Variants in PRR33 observed in about 807,000 individuals in gnomAD.
PRR33 encodes proline-rich protein 33.
PRR33 carries 1 observed loss-of-function variant against 0.5 expected under a neutral mutation model. That is an observed-to-expected ratio of 2.18 (90% confidence interval 0.77 to 10.34). The LOEUF is 10.34. PRR33 is among the 30% of genes most tolerant of loss of function. PRR33 has a pLI of 0.13. For synonymous variants in PRR33, 226 were observed against 110.0 expected (o/e 2.06, Z -6.60); for missense variants, 552 against 251.8 (o/e 2.19, Z -8.07).
the PRR33 span, among the ~76,000 whole-genome samples, chr11:1,899,691 T>G: frequency 6.6e-6 from 1 of 152,320 alleles, no homozygotes; most frequent in South Asian, 2.1e-4. Flanking sequence ...ATTGTATCTG[T>G]AACAAGTTAT....
chr11:1,900,305 G>A, the PRR33 span, among the ~76,000 whole-genome samples: 3 of 152,114 alleles, frequency 2.0e-5, no homozygotes, highest in Non-Finnish European at 4.4e-5. Context: ...TTCAAATTGG[G>A]TATCTAAACA....
At chr11:1,903,154 TC>T in the PRR33 span, 1 of 152,182 alleles carries the variant, frequency 6.6e-6, no homozygotes, top group Admixed American at 6.5e-5. Flanking sequence ...GGACTCAGTC[TC>T]ATTTTACCCA....
At chr11:1,908,178 G>A in the PRR33 span, among the ~76,000 whole-genome samples, 8 of 152,318 alleles carry the variant, frequency 5.3e-5, no homozygotes, top group Admixed American at 2.6e-4. Flanking sequence ...GCTGGTCTGC[G>A]GGGAGCTCTA....
At chr11:1,914,882 G>GTGTGTTC in the PRR33 span, among the ~76,000 whole-genome samples, 1 of 96,266 alleles carries the variant, frequency 1.0e-5, no homozygotes, top group East Asian at 4.0e-4. Flanking sequence ...TGTGTGTGTT[G>GTGTGTTC]TGAGGTCACA....
upstream of PRR33, among the ~76,000 whole-genome samples, chr11:1,894,304 G>A (rs903607556): frequency 6.6e-6 from 1 of 151,944 alleles, no homozygotes; most frequent in Non-Finnish European, 1.5e-5. Flanking sequence ...CACAATGAGA[G>A]CTCCTTGCAG....
At chr11:1,894,147 G>A (rs192020774), upstream of PRR33, among the ~76,000 whole-genome samples, 3 of 107,614 alleles carry the variant, frequency 2.8e-5, no homozygotes. Context: ...TGTGTGACAA[G>A]TTCTCTGTTT....
At chr11:1,915,790 A>G in the PRR33 span, among the ~76,000 whole-genome samples, 1 of 88,728 alleles carries the variant, frequency 1.1e-5, no homozygotes, top group Non-Finnish European at 2.2e-5. Flanking sequence ...GGGTGGATGA[A>G]GGGAGGGAGG....
the PRR33 span, among the ~76,000 whole-genome samples, chr11:1,913,467 C>T: frequency 6.6e-6 from 1 of 152,148 alleles, no homozygotes; most frequent in Non-Finnish European, 1.5e-5. Context: ...ATATAAGCAT[C>T]CAGGCCTCGC....
chr11:1,901,948 TA>T, the PRR33 span, among the ~76,000 whole-genome samples: 1 of 152,236 alleles, frequency 6.6e-6, no homozygotes, highest in African/African-American at 2.4e-5. Context: ...AAACCACAAT[TA>T]TGGCCGGGCG....
At chr11:1,889,999 G>A (rs1298891943) in exon 1 of PRR33, 1 of 659,594 alleles carries the variant, frequency 1.5e-6, no homozygotes, top group South Asian at 1.7e-5. Flanking sequence ...GTCCTGGGAG[G>A]CTCAGGGGTC....
exon 1 of PRR33, chr11:1,890,235 G>C (rs1173287196): frequency 1.4e-6 from 1 of 716,580 alleles, no homozygotes; most frequent in Non-Finnish European, 2.6e-6. Context: ...GATGATGGGG[G>C]TGTGCGGGGA....
chr11:1,909,881 T>C, the PRR33 span, among the ~76,000 whole-genome samples: 1 of 152,254 alleles, frequency 6.6e-6, no homozygotes, highest in African/African-American at 2.4e-5. Flanking sequence ...TCTGCTCTGC[T>C]GGCAGGGACG....
chr11:1,904,695 A>C, the PRR33 span, among the ~76,000 whole-genome samples: 2 of 150,680 alleles, frequency 1.3e-5, no homozygotes, highest in African/African-American at 4.9e-5. Context: ...TTTAGTACAG[A>C]TGGGGGTCTC....
At chr11:1,902,113 T>A in the PRR33 span, among the ~76,000 whole-genome samples, 1 of 151,724 alleles carries the variant, frequency 6.6e-6, no homozygotes, top group East Asian at 1.9e-4. Flanking sequence ...GCGCCTGTAG[T>A]CCCAGCTACT....
At chr11:1,904,508 G>A in the PRR33 span, among the ~76,000 whole-genome samples, 1 of 151,312 alleles carries the variant, frequency 6.6e-6, no homozygotes, top group Non-Finnish European at 1.5e-5. Context: ...CAGCCTGGGC[G>A]ACAGAGCAAG....
At chr11:1,896,104 C>T (rs1849121637), upstream of PRR33, among the ~76,000 whole-genome samples, 1 of 152,194 alleles carries the variant, frequency 6.6e-6, no homozygotes, top group African/African-American at 2.4e-5. Flanking sequence ...TCAAGTTTTG[C>T]TTACACTGGT....
the PRR33 span, among the ~76,000 whole-genome samples, chr11:1,913,914 T>A: frequency 3.3e-5 from 5 of 152,208 alleles, no homozygotes; most frequent in Non-Finnish European, 7.4e-5. Context: ...CAGTCCCAAT[T>A]GCAGGATGCG....
the PRR33 span, among the ~76,000 whole-genome samples, chr11:1,917,412 G>A: frequency 6.6e-6 from 1 of 152,220 alleles, no homozygotes; most frequent in East Asian, 1.9e-4. Flanking sequence ...GCTTGGCTCA[G>A]CATTTGCCAA....
At chr11:1,889,322 G>T in exon 1 of PRR33, 1 of 708,860 alleles carries the variant, frequency 1.4e-6, no homozygotes, top group South Asian at 1.5e-5. Context: ...GCTCCCCACC[G>T]CTGGGCCCTG....
Sources: allele counts gnomAD v4.1 joint callset (sites outside exome capture counted in the v4.1 genomes callset), GRCh38; gene constraint gnomAD v4.1.1; transcripts MANE v1.5; gene names NCBI Gene and HGNC (gene_info 2026-07-23, HGNC 2026-07-21).